The following ZBTB38 variants were observed in gnomAD, a reference collection of about 807,000 sequenced individuals.
ZBTB38 encodes the protein zinc finger and BTB domain containing 38.
ZBTB38 carries 20 observed loss-of-function variants against 76.8 expected under a neutral mutation model. The observed-to-expected ratio is 0.26, with a 90% CI of 0.18 to 0.38. The LOEUF (loss-of-function observed/expected upper bound fraction) is 0.38. Ranked by LOEUF, ZBTB38 falls within the 10% of genes least tolerant of loss-of-function variation. The probability of loss-of-function intolerance (pLI) is 1.00; values close to 1 mark genes in which losing one functional copy is unlikely to be tolerated. For missense variants in ZBTB38, 1,082 were observed against 1,482.3 expected (o/e 0.73, Z 4.43); for synonymous variants, 504 against 544.2 (o/e 0.93, Z 1.03).
chr3:141,368,423 C>T (rs1255163237), upstream of ZBTB38: 2 of 151,970 alleles, frequency 1.3e-5, no homozygotes, highest in African/African-American at 2.4e-5. Context: ...GCAGCCCGGC[C>T]CGGGCTGCTG....
At chr3:141,417,743 G>A (rs1359278184) in intron 5 of ZBTB38, among the ~76,000 whole-genome samples, 2 of 152,110 alleles carry the variant, frequency 1.3e-5, no homozygotes, top group African/African-American at 4.8e-5. Flanking sequence ...CAGGCTGTGC[G>A]CAGTGGCTCA....
chr3:141,335,137 C>G (rs1281379048), intron 1 of ZBTB38, among the ~76,000 whole-genome samples: 2 of 152,208 alleles, frequency 1.3e-5, no homozygotes, highest in African/African-American at 4.8e-5. Flanking sequence ...CACTGCATAT[C>G]CCTGGAAAGG....
intron 1 of ZBTB38, among the ~76,000 whole-genome samples, chr3:141,324,975 A>G (rs536135001): frequency 6.6e-6 from 1 of 152,380 alleles, no homozygotes; most frequent in Admixed American, 6.5e-5. Context: ...ATCATATATT[A>G]AGATAAATTC....
chr3:141,429,813 C>T (rs2077098003), intron 5 of ZBTB38, among the ~76,000 whole-genome samples: 1 of 152,184 alleles, frequency 6.6e-6, no homozygotes, highest in South Asian at 2.1e-4. Context: ...GAACCGTGTG[C>T]ATCAAAGGCC....
At chr3:141,391,160 T>TAA (rs1023639721) in intron 4 of ZBTB38, among the ~76,000 whole-genome samples, 2 of 151,202 alleles carry the variant, frequency 1.3e-5, no homozygotes, top group African/African-American at 4.9e-5. Context: ...ACTCTTTCTC[T>TAA]AAAAAAAAAT....
At chr3:141,436,161 T>G (rs1010638723) in intron 5 of ZBTB38, among the ~76,000 whole-genome samples, 4 of 152,226 alleles carry the variant, frequency 2.6e-5, no homozygotes, top group Admixed American at 2.6e-4. Context: ...AAAGTAACTT[T>G]AAAGTCAACG....
At chr3:141,367,966 C>T (rs1944034036), upstream of ZBTB38, among the ~76,000 whole-genome samples, 1 of 152,178 alleles carries the variant, frequency 6.6e-6, no homozygotes, top group South Asian at 2.1e-4. Context: ...TGTTGGCACC[C>T]AGGGTAGGGA....
intron 1 of ZBTB38, among the ~76,000 whole-genome samples, chr3:141,339,364 A>G (rs1463138548): frequency 6.6e-6 from 1 of 152,186 alleles, no homozygotes; most frequent in Admixed American, 6.5e-5. Flanking sequence ...TTTTGAACAG[A>G]AGAGTAGTAT....
In ZBTB38 at chr3:141,447,091, G is replaced by T. The variant is rs1171361920; in HGVS notation, c.*1115G>T. On this transcript the variant is annotated 3_prime_UTR_variant, in exon 6 of 6. Coordinates refer to ENST00000321464, the MANE Select transcript of ZBTB38 (RefSeq NM_001376113.1). ...AATTCCCAGGCACTTGAAAGTGACT[G>T]CCTAATCCCTACAATTACTAGCCTT... 1 of 152,436 alleles carries T rather than the reference G, an allele frequency of 6.6e-6. No homozygotes were observed. The highest frequency in any genetic ancestry group is 1.9e-4 in the East Asian group (1 of 5,190). The allele number at this position is 152,436 out of a possible 1,614,324, so 9.4% of individuals were successfully genotyped here.
intron 1 of ZBTB38, among the ~76,000 whole-genome samples, chr3:141,347,907 C>T (rs1254683625): frequency 6.6e-6 from 1 of 152,196 alleles, no homozygotes; most frequent in Non-Finnish European, 1.5e-5. Flanking sequence ...GTAACCAAGT[C>T]TCTATATTAT....
rs145980486 is a variant in ZBTB38, at chr3:141,372,520, C to T, written c.-235+2574C>T. 9.6e-3 allele frequency among the ~76,000 whole-genome samples: 1,461 copies of T among 152,006 alleles called. 8 individuals are homozygous for T. The highest frequency in any genetic ancestry group is 0.016 in the Non-Finnish European group (1,066 of 67,964). On this transcript the variant is annotated intron_variant, in intron 2 of 5. Coordinates refer to ENST00000321464, the MANE Select transcript of ZBTB38 (RefSeq NM_001376113.1). Reference sequence around the variant, plus strand: ...ATACAAAATTAGCCGAGCAGGGTGGCGCACACCTATAATCCCAGCTACTTG... The same window carrying T: ...ATACAAAATTAGCCGAGCAGGGTGGTGCACACCTATAATCCCAGCTACTTG...
chr3:141,408,992 A>G (rs1955666510), intron 5 of ZBTB38, among the ~76,000 whole-genome samples: 2 of 152,232 alleles, frequency 1.3e-5, no homozygotes, highest in African/African-American at 4.8e-5. Context: ...TGGCAAGTGA[A>G]GCAAAAAGAA....
intron 4 of ZBTB38, among the ~76,000 whole-genome samples, chr3:141,401,848 T>C (rs1177919572): frequency 2.0e-5 from 3 of 152,176 alleles, no homozygotes; most frequent in Non-Finnish European, 4.4e-5. Context: ...TTGCGTGAAA[T>C]AGTTTCTGTG....
chr3:141,340,969 A>G (rs1396413114), intron 1 of ZBTB38, among the ~76,000 whole-genome samples: 243 of 143,710 alleles, frequency 1.7e-3, no homozygotes, highest in Middle Eastern at 0.014. Flanking sequence ...AAAGAAAGAA[A>G]GAAAGAAAGA....
intron 2 of ZBTB38, among the ~76,000 whole-genome samples, chr3:141,371,476 A>G (rs915634418): frequency 6.6e-6 from 1 of 152,134 alleles, no homozygotes. Context: ...AGTAGCTGAG[A>G]CTACAGGCAT....
chr3:141,348,652 G>A (rs1240065410), intron 1 of ZBTB38, among the ~76,000 whole-genome samples: 2 of 152,138 alleles, frequency 1.3e-5, no homozygotes, highest in African/African-American at 2.4e-5. Flanking sequence ...TTAAAGGACT[G>A]TACAAGTGTA....
chr3:141,389,026 T>C (rs1947986664), intron 4 of ZBTB38: 1 of 152,174 alleles, frequency 6.6e-6, no homozygotes, highest in Non-Finnish European at 1.5e-5. Context: ...CCTTCCCTGA[T>C]CCCTCCGTTG....
At chr3:141,404,088 G>C (rs1953381837) in intron 5 of ZBTB38, 57 bp downstream of exon 5, 2 of 152,282 alleles carry the variant, frequency 1.3e-5, no homozygotes, top group African/African-American at 4.8e-5. Flanking sequence ...GTCTTTCTGA[G>C]GGACTCCCAA....
Position 141,351,425 on chromosome 3 carries a change from T to C in ZBTB38, c.-738-17196T>C, listed in dbSNP as rs1291224353. 3.3e-5 allele frequency among the ~76,000 whole-genome samples: 5 copies of C among 152,066 alleles called. No homozygotes were observed. The East Asian group carries it at 7.7e-4, about 23-fold the overall frequency. On this transcript the variant is annotated intron_variant, in intron 1 of 7. Coordinates refer to the ZBTB38 transcript ENST00000509842. ...AATTATCAATACTTTTCTTTAATAG[T>C]ACAAAAACATATATCAGACCAGGCA...
Sources: gnomAD v4.1 joint callset for allele counts (sites outside exome capture counted in the v4.1 genomes callset) on GRCh38, gnomAD v4.1.1 for gene constraint, MANE v1.5 for transcripts, NCBI Gene and HGNC (gene_info 2026-07-23, HGNC 2026-07-21) for gene names.